Variants in AK8 observed in about 807,000 individuals in gnomAD.
AK8 encodes the protein ATP-AMP transphosphorylase 8.
In AK8, 44 loss-of-function variants were observed where a neutral mutation model predicts 54.6. That is an observed-to-expected ratio of 0.81 (90% CI 0.63 to 1.04). The LOEUF (loss-of-function observed/expected upper bound fraction) is 1.04, where lower values mean the gene tolerates loss of function less well. AK8 is among the 50% of genes least tolerant of loss of function. The probability of loss-of-function intolerance (pLI) is 0.00; values close to 1 mark genes in which losing one functional copy is unlikely to be tolerated. For missense variants in AK8, 555 were observed against 613.6 expected (o/e 0.90, Z 1.01); for synonymous variants, 239 against 245.6 (o/e 0.97, Z 0.25).
chr9:132,870,218 G>A (rs1485280396), intron 2 of AK8, among the ~76,000 whole-genome samples: 2 of 152,150 alleles, frequency 1.3e-5, no homozygotes, highest in African/African-American at 2.4e-5. Context: ...GAACATCCAC[G>A]GCCTTTCTCC....
At chr9:132,800,539 G>T (rs1029475208) in intron 10 of AK8, among the ~76,000 whole-genome samples, 1 of 152,086 alleles carries the variant, frequency 6.6e-6, no homozygotes, top group Admixed American at 6.6e-5. Flanking sequence ...CCATCTGGCC[G>T]GGCCTTGGTT....
intron 9 of AK8, among the ~76,000 whole-genome samples, chr9:132,816,641 C>T (rs433077): frequency 0.2 from 30,979 of 152,108 alleles, 3,446 homozygotes; most frequent in East Asian, 0.44. Context: ...TCATATTTAA[C>T]TTCTCTTATA....
chr9:132,783,575 TAAA>T (rs778604551), intron 11 of AK8, among the ~76,000 whole-genome samples: 3 of 123,930 alleles, frequency 2.4e-5, no homozygotes, highest in Non-Finnish European at 5.3e-5. Flanking sequence ...GCATAAAAGT[TAAA>T]AAAAAAAAAA....
intron 10 of AK8, among the ~76,000 whole-genome samples, chr9:132,801,191 G>A (rs1440170362): frequency 2.6e-5 from 4 of 152,222 alleles, no homozygotes; most frequent in East Asian, 1.9e-4. Flanking sequence ...GCCTCCCAAA[G>A]TGCTGGGATT....
intron 10 of AK8, among the ~76,000 whole-genome samples, chr9:132,793,360 G>A (rs1238898930): frequency 2.0e-5 from 3 of 152,192 alleles, no homozygotes; most frequent in Non-Finnish European, 2.9e-5. Flanking sequence ...TGAATTTTGG[G>A]ATGACACATT....
rs533428526 is a variant in AK8, at chr9:132,860,365, C to T, written c.333+3300G>A. ...AAAAAGGGCCCTTATCTTTGGGTTG[C>T]GGAAATAAATGAAGACCTCCCAAAT... On this transcript the variant is annotated intron_variant, in intron 4 of 12. Coordinates refer to ENST00000298545, the MANE Select transcript of AK8 (RefSeq NM_152572.3). This position sits in a 1 kb window ranked among gnomAD's most constrained non-coding sequence, Gnocchi z 4.4. Among the ~76,000 whole-genome samples the T allele has an allele frequency of 1.2e-4, 19 of 152,276 alleles. No homozygotes were observed. Among genetic ancestry groups the T allele is most frequent in the African/African-American group, 3.9e-4 (16 of 41,546 alleles).
intron 3 of AK8, among the ~76,000 whole-genome samples, chr9:132,864,307 A>AG (rs1843504734): frequency 6.6e-6 from 1 of 152,212 alleles, no homozygotes; most frequent in East Asian, 1.9e-4. Context: ...AATTGTGCTG[A>AG]TGACTATTTC....
At chr9:132,810,194 T>C (rs1441799269) in intron 10 of AK8, among the ~76,000 whole-genome samples, 3 of 152,238 alleles carry the variant, frequency 2.0e-5, no homozygotes. Flanking sequence ...ATATTGGTTG[T>C]TGTTGTGTCT....
Position 132,748,732 on chromosome 9 carries a change from T to C in AK8, c.1122-21198A>G, listed in dbSNP as rs569398162. Among the ~76,000 whole-genome samples, 49 of 151,882 alleles carry C rather than the reference T, an allele frequency of 3.2e-4. No individual in the cohort carries two copies. The South Asian group carries it at 3.7e-3, about 12-fold the overall frequency. On this transcript the variant is annotated intron_variant, in intron 11 of 12. Transcript: ENST00000298545. Reference sequence around the variant, plus strand: ...ATCTCGATATTAAAAGATGCAAATATGTACTATGAAAAGACCAGTTTGCAA... The same window carrying C: ...ATCTCGATATTAAAAGATGCAAATACGTACTATGAAAAGACCAGTTTGCAA...
At chr9:132,824,183 G>T (rs1160921037) in intron 8 of AK8, among the ~76,000 whole-genome samples, 1 of 152,224 alleles carries the variant, frequency 6.6e-6, no homozygotes, top group African/African-American at 2.4e-5. Context: ...AAAGGCTAAT[G>T]AGGCTGTAAA....
Position 132,790,319 on chromosome 9 carries a change from C to CT in AK8, c.1121+2314_1121+2315insA, listed in dbSNP as rs1839893295. On this transcript the variant is annotated intron_variant, in intron 11 of 12. Transcript: ENST00000298545. This position sits in a 1 kb window ranked among gnomAD's most constrained non-coding sequence, Gnocchi z 4.1. ...AGGCTGGAGCGCAGTGGCGTGATCT[C>CT]AGCTCACTGCAAACTCCGCCTCCTG... is the stretch of plus-strand genomic sequence containing the variant. Among the ~76,000 whole-genome samples the CT allele has an allele frequency of 6.6e-6, 1 of 151,798 alleles. No homozygotes were observed. Among genetic ancestry groups the CT allele is most frequent in the African/African-American group, 2.4e-5 (1 of 41,274 alleles).
At chr9:132,846,469 G>T (rs962043965) in intron 5 of AK8, among the ~76,000 whole-genome samples, 1 of 152,188 alleles carries the variant, frequency 6.6e-6, no homozygotes, top group African/African-American at 2.4e-5. Flanking sequence ...TTTGGTCCCT[G>T]TGCTTAGCAA....
intron 8 of AK8, among the ~76,000 whole-genome samples, chr9:132,825,724 G>C (rs2131299674): frequency 6.6e-6 from 1 of 152,322 alleles, no homozygotes; most frequent in East Asian, 1.9e-4. Context: ...AGAAGGTGCT[G>C]GGAAAGTCAG....
intron 11 of AK8, among the ~76,000 whole-genome samples, chr9:132,757,352 C>T (rs114945799): frequency 0.014 from 2,207 of 152,276 alleles, 45 homozygotes; most frequent in African/African-American, 0.047. Context: ...AAGGAGGGCC[C>T]GCCATCTCAC....
intron 11 of AK8, among the ~76,000 whole-genome samples, chr9:132,748,743 A>G (rs1358211339): frequency 6.6e-6 from 1 of 151,866 alleles, no homozygotes; most frequent in Admixed American, 6.6e-5. Context: ...GTACTATGAA[A>G]AGACCAGTTT....
intron 5 of AK8, among the ~76,000 whole-genome samples, chr9:132,847,443 G>C (rs1005389429): frequency 2.0e-5 from 3 of 152,152 alleles, no homozygotes; most frequent in Non-Finnish European, 4.4e-5. Flanking sequence ...TGTGTGCTTA[G>C]AACGAATGCT....
intron 9 of AK8, among the ~76,000 whole-genome samples, chr9:132,819,198 A>G (rs1357757476): frequency 6.6e-6 from 1 of 152,226 alleles, no homozygotes; most frequent in Admixed American, 6.5e-5. Flanking sequence ...TGCACTGAAC[A>G]TGTAGTCTTT....
chr9:132,794,929 C>A (rs1564404754), intron 10 of AK8, among the ~76,000 whole-genome samples: 2 of 152,162 alleles, frequency 1.3e-5, no homozygotes, highest in Admixed American at 6.5e-5. Context: ...CGGCTCACAC[C>A]GCATTTACGA....
chr9:132,852,188 T>C (rs566438931), intron 5 of AK8, among the ~76,000 whole-genome samples: 1 of 152,128 alleles, frequency 6.6e-6, no homozygotes, highest in East Asian at 1.9e-4. Context: ...GTAAAAACAA[T>C]AGGGGCCAGG....
Sources: allele counts gnomAD v4.1 joint callset (sites outside exome capture counted in the v4.1 genomes callset), GRCh38; gene constraint gnomAD v4.1.1; non-coding constraint Gnocchi (gnomAD v3.1); transcripts MANE v1.5; gene names NCBI Gene and HGNC (gene_info 2026-07-23, HGNC 2026-07-21).